IMPG1: variants seen among roughly 807,000 people sequenced by gnomAD.
IMPG1 encodes the protein interphotoreceptor matrix proteoglycan of 150 kDa.
In IMPG1, 85 loss-of-function variants were observed where a neutral mutation model predicts 92.0. That is an observed-to-expected ratio of 0.92 (90% confidence interval 0.78 to 1.11). The LOEUF (loss-of-function observed/expected upper bound fraction) is 1.11. IMPG1 is among the 50% of genes least tolerant of loss of function. The pLI is 0.00. For missense variants in IMPG1, 1,022 were observed against 956.0 expected (o/e 1.07, Z -0.91); for synonymous variants, 367 against 334.1 (o/e 1.10, Z -1.08).
chr6:75,974,404 C>CCTTGCTTG (rs1562354931), intron 12 of IMPG1, among the ~76,000 whole-genome samples: 3 of 107,976 alleles, frequency 2.8e-5, no homozygotes, highest in African/African-American at 6.8e-5. Flanking sequence ...TTCTTTCTTT[C>CCTTGCTTG]CTTCCTTCCT....
intron 1 of IMPG1, among the ~76,000 whole-genome samples, chr6:76,071,311 A>G (rs180726846): frequency 1.3e-4 from 19 of 150,700 alleles, no homozygotes; most frequent in Non-Finnish European, 2.5e-4. Context: ...GATCAAGTCT[A>G]CGAAATAGTC....
At chr6:76,062,261 A>T (rs1784219061) in intron 1 of IMPG1, among the ~76,000 whole-genome samples, 1 of 152,226 alleles carries the variant, frequency 6.6e-6, no homozygotes, top group Non-Finnish European at 1.5e-5. Context: ...TCTTTATTGC[A>T]ATGTTATTTG....
chr6:76,027,447 G>A (rs1221860378), intron 4 of IMPG1, among the ~76,000 whole-genome samples: 1 of 152,152 alleles, frequency 6.6e-6, no homozygotes, highest in Non-Finnish European at 1.5e-5. Context: ...CCATGTAATT[G>A]AAACTACTGA....
intron 8 of IMPG1, 132 bp from the exon 9 acceptor site, chr6:76,007,632 C>A: frequency 1.6e-6 from 1 of 608,382 alleles, no homozygotes; most frequent in South Asian, 2.6e-5. Context: ...TTTGTTTGTT[C>A]AGAGCTTTGA....
At chr6:76,058,742 T>C (rs1784159173) in intron 1 of IMPG1, among the ~76,000 whole-genome samples, 1 of 152,184 alleles carries the variant, frequency 6.6e-6, no homozygotes, top group Admixed American at 6.6e-5. Flanking sequence ...TAAATATGAC[T>C]ATGGAATAGC....
chr6:76,038,321 G>T (rs1361313490), intron 2 of IMPG1, among the ~76,000 whole-genome samples: 1 of 152,168 alleles, frequency 6.6e-6, no homozygotes, highest in Non-Finnish European at 1.5e-5. Flanking sequence ...GTCTGAAGTT[G>T]CTTGAAAAAT....
chr6:75,977,387 CA>C (rs1182114370), intron 12 of IMPG1, among the ~76,000 whole-genome samples: 4 of 151,922 alleles, frequency 2.6e-5, no homozygotes, highest in Non-Finnish European at 5.9e-5. Context: ...TGGGAGTTCG[CA>C]ACCAGCCTGA....
intron 12 of IMPG1, among the ~76,000 whole-genome samples, chr6:75,991,601 T>C (rs1782814006): frequency 6.6e-6 from 1 of 152,178 alleles, no homozygotes; most frequent in African/African-American, 2.4e-5. Flanking sequence ...ACCTAACCTA[T>C]GCCAGCCCCC....
intron 6 of IMPG1, among the ~76,000 whole-genome samples, chr6:76,021,790 T>TATATATATATATATATAC (rs1783429678): frequency 7.3e-6 from 1 of 137,876 alleles, no homozygotes; most frequent in Non-Finnish European, 1.6e-5. Context: ...TATATATATA[T>TATATATATATATATATAC]ATATATATAT....
At chr6:75,967,028 A>G (rs1782318590) in intron 12 of IMPG1, among the ~76,000 whole-genome samples, 1 of 152,088 alleles carries the variant, frequency 6.6e-6, no homozygotes, top group African/African-American at 2.4e-5. Flanking sequence ...AAATACAAAA[A>G]ATTAGCGGGG....
chr6:76,007,005 T>C (rs1039412983), intron 9 of IMPG1, among the ~76,000 whole-genome samples: 2 of 152,182 alleles, frequency 1.3e-5, no homozygotes, highest in African/African-American at 2.4e-5. Flanking sequence ...AGAGCCAAAG[T>C]TGATTCTTAT....
At position 75,931,114 on chromosome 6, in the gene IMPG1, G is replaced by A. The variant is rs756965496; in HGVS notation, c.2082C>T (p.Gly694=). The A allele has an allele frequency of 1.1e-5, 17 of 1,613,840 alleles. No homozygotes were observed. The South Asian group carries it at 1.5e-4, about 15-fold the overall frequency. The change falls in exon 15 of 17, where the codon GGC becomes GGT. Residue 694 remains glycine (G), a synonymous_variant. Coordinates refer to ENST00000369950, the MANE Select transcript of IMPG1 (RefSeq NM_001563.4). ...QADPCKFLAC[G]EFAQCVKNER... is the part of the protein sequence containing the mutation. ...CGTTCTTTACACATTGGGCAAATTC[G>A]CCGCAGGCCAGGAACTTGCAGGGAT... is the stretch of plus-strand genomic sequence containing the variant.
chr6:76,070,824 A>C (rs1002701551), intron 1 of IMPG1, among the ~76,000 whole-genome samples: 2 of 152,044 alleles, frequency 1.3e-5, no homozygotes, highest in African/African-American at 2.4e-5. Context: ...AAAAGATGAG[A>C]GAGTGGAAGG....
Position 75,942,601 on chromosome 6 carries a change from C to G in IMPG1, c.2044+4713G>C, listed in dbSNP as rs117301430. On this transcript the variant is annotated intron_variant, in intron 14 of 16. Transcript: ENST00000369950. ...ACTCCGGATCCAGGGTCCTGAGAGACAGCACGATCTGCTGGTTGCACTGGT... is the reference window on the plus strand; with the variant it reads ...ACTCCGGATCCAGGGTCCTGAGAGAGAGCACGATCTGCTGGTTGCACTGGT... Among the ~76,000 whole-genome samples, 325 of 152,278 alleles carry G rather than the reference C, an allele frequency of 2.1e-3. 1 individual carries two copies. The highest frequency in any genetic ancestry group is 2.0e-3 in the Non-Finnish European group (133 of 68,032).
At chr6:75,974,404 C>CTTTCCTTCCTTCCTTCCTTGCTTG (rs1562354924) in intron 12 of IMPG1, among the ~76,000 whole-genome samples, 3 of 107,976 alleles carry the variant, frequency 2.8e-5, no homozygotes, top group African/African-American at 1.0e-4. Flanking sequence ...TTCTTTCTTT[C>CTTTCCTTCCTTCCTTCCTTGCTTG]CTTCCTTCCT....
At chr6:75,986,525 A>G (rs188933144) in intron 12 of IMPG1, among the ~76,000 whole-genome samples, 8 of 152,310 alleles carry the variant, frequency 5.3e-5, no homozygotes, top group Non-Finnish European at 1.0e-4. Flanking sequence ...AAGATACTTT[A>G]TTGCTGAGCA....
intron 1 of IMPG1, among the ~76,000 whole-genome samples, chr6:76,052,024 T>C (rs1784051471): frequency 6.6e-6 from 1 of 150,500 alleles, no homozygotes; most frequent in South Asian, 2.1e-4. Context: ...AATCTATTGG[T>C]GGCATGCTGA....
intron 5 of IMPG1, among the ~76,000 whole-genome samples, chr6:76,024,691 G>A (rs1170892353): frequency 2.6e-5 from 4 of 152,096 alleles, no homozygotes; most frequent in Admixed American, 1.3e-4. Context: ...ATTTGACAAA[G>A]ATTTATGTTT....
At chr6:75,932,846 G>A (rs142310548) in intron 14 of IMPG1, among the ~76,000 whole-genome samples, 1 of 152,086 alleles carries the variant, frequency 6.6e-6, no homozygotes, top group Admixed American at 6.5e-5. Context: ...GCCTACAGGT[G>A]CCCTTCACCA....
Sources: allele counts gnomAD v4.1 joint callset (sites outside exome capture counted in the v4.1 genomes callset), GRCh38; gene constraint gnomAD v4.1.1; transcripts MANE v1.5; gene names NCBI Gene and HGNC (gene_info 2026-07-23, HGNC 2026-07-21).